PRKAA2: variants seen among roughly 807,000 people sequenced by gnomAD.
The protein encoded by PRKAA2 is protein kinase AMP-activated catalytic subunit alpha 2.
A neutral mutation model predicts 56.3 loss-of-function variants in PRKAA2; 40 were observed. The ratio of observed to expected loss-of-function variants is 0.71; its 90% CI spans 0.55 to 0.92. The LOEUF (loss-of-function observed/expected upper bound fraction) is 0.92, where lower values mean the gene tolerates loss of function less well. Among genes scored for constraint, PRKAA2 ranks in the 40% least tolerant of loss-of-function variants. PRKAA2 has a pLI of 0.00. For missense variants in PRKAA2, 542 were observed against 686.9 expected, an observed-to-expected ratio of 0.79 and a Z score of 2.36; for synonymous variants, 214 against 234.2, an observed-to-expected ratio of 0.91 and a Z score of 0.79.
chr1:56,701,773 A>C (rs1644295827), intron 6 of PRKAA2, among the ~76,000 whole-genome samples: 1 of 152,026 alleles, frequency 6.6e-6, no homozygotes, highest in Admixed American at 6.5e-5. Context: ...AGGTGCTTGT[A>C]GTCCCAGCTA....
In PRKAA2 at chr1:56,693,755, T is replaced by C. The variant is rs1230535420; in HGVS notation, c.476-10T>C. ...ATCTAGCACCAAGTAAACATTACTT[T>C]TATTTTTAGGATTATCTAATATGAT... On this transcript the variant is annotated splice_polypyrimidine_tract_variant and intron_variant, in intron 4 of 8. Transcript: ENST00000371244. 6.5e-7 allele frequency: 1 copy of C among 1,534,978 alleles called. No homozygotes were observed. The highest frequency in any genetic ancestry group is 8.9e-7 in the Non-Finnish European group (1 of 1,124,722).
chr1:56,713,007 A>G lies in PRKAA2; in HGVS notation c.*5294A>G, dbSNP rs927845030. The G allele has an allele frequency of 1.3e-5, 2 of 152,204 alleles. No homozygotes were observed. The highest frequency in any genetic ancestry group is 2.9e-5 in the Non-Finnish European group (2 of 68,036). The allele number at this position is 152,204 out of a possible 1,614,324, so 9.4% of individuals were successfully genotyped here. Reference sequence around the variant, plus strand: ...TACATGATATAACTATTTTCATAGAATATATTTCTAATTTACAAACACTGA... The same window carrying G: ...TACATGATATAACTATTTTCATAGAGTATATTTCTAATTTACAAACACTGA... On this transcript the variant is annotated 3_prime_UTR_variant, in exon 9 of 9. Coordinates refer to ENST00000371244, the MANE Select transcript of PRKAA2 (RefSeq NM_006252.4).
rs537826973 is a variant in PRKAA2, at chr1:56,706,054, T to G, written c.1294-38T>G. On this transcript the variant is annotated intron_variant, in intron 7 of 8. Coordinates refer to ENST00000371244, the MANE Select transcript of PRKAA2 (RefSeq NM_006252.4). ...CTTTTTTTGCATAAAAAGGTAGATA[T>G]TTTGTAGTTTATTATTTTTATTGAT... 11 of 1,548,882 alleles carry G rather than the reference T, an allele frequency of 7.1e-6. No homozygotes were observed. In the South Asian group the frequency reaches 1.2e-4, roughly 16 times the overall value.
chr1:56,704,721 A>T (rs943749818), intron 7 of PRKAA2, among the ~76,000 whole-genome samples: 2 of 152,182 alleles, frequency 1.3e-5, no homozygotes, highest in African/African-American at 2.4e-5. Context: ...CTGAGAAAAT[A>T]GCTTACCAGT....
rs1644099675 is a variant in PRKAA2, at chr1:56,674,512, A to G, written c.226A>G (p.Ile76Val). The change falls in exon 2 of 9, where the codon ATT becomes GTT. Residue 76 changes from isoleucine (I) to valine (V), a missense_variant. Ile to Val is a conservative substitution (Grantham distance 29). This residue lies in a region of PRKAA2 where 121 missense variants were observed against 210.0 expected (regional missense o/e 0.58). Coordinates refer to ENST00000371244, the MANE Select transcript of PRKAA2 (RefSeq NM_006252.4). ...TCTAAAACTCTTTCGTCATCCTCAT[A>G]TTATCAAACTGTAAGTATTTTTGTA... ...QNLKLFRHPH[I>V]IKLYQVISTP... 1 of 1,523,080 alleles carries G rather than the reference A, an allele frequency of 6.6e-7. No individual in the cohort carries two copies. The highest frequency in any genetic ancestry group is 2.0e-5 in the Admixed American group (1 of 49,586). The allele number at this position is 1,523,080 out of a possible 1,614,324, so 94.3% of individuals were successfully genotyped here. A position where few individuals can be genotyped will look rare whatever the true frequency, so the allele number is the denominator to read the frequency against.
intron 1 of PRKAA2, among the ~76,000 whole-genome samples, chr1:56,659,182 A>T (rs576244037): frequency 6.6e-6 from 1 of 151,864 alleles, no homozygotes; most frequent in Non-Finnish European, 1.5e-5. Flanking sequence ...GGAATCCTAG[A>T]TTAACTTAAA....
chr1:56,698,207 A>C (rs1299227087), intron 6 of PRKAA2, among the ~76,000 whole-genome samples: 1 of 151,518 alleles, frequency 6.6e-6, no homozygotes, highest in East Asian at 1.9e-4. Context: ...ATAAGCCACC[A>C]CGCCTGGCCA....
intron 1 of PRKAA2, among the ~76,000 whole-genome samples, chr1:56,660,889 C>G (rs927903870): frequency 6.6e-6 from 1 of 152,086 alleles, no homozygotes; most frequent in Middle Eastern, 3.2e-3. Flanking sequence ...CTCTTGCTTC[C>G]TTGTGAGAAC....
chr1:56,683,774 G>C (rs923344739), intron 2 of PRKAA2, among the ~76,000 whole-genome samples: 1 of 152,118 alleles, frequency 6.6e-6, no homozygotes, highest in African/African-American at 2.4e-5. Context: ...AATTCCTGCA[G>C]GTCAGAGATC....
At chr1:56,655,268 C>CATG (rs1553146925) in intron 1 of PRKAA2, among the ~76,000 whole-genome samples, 1 of 106,830 alleles carries the variant, frequency 9.4e-6, no homozygotes, top group Middle Eastern at 6.7e-3. Context: ...ATTTATATAT[C>CATG]TATATATATA....
intron 7 of PRKAA2, 77 bp downstream of exon 7, chr1:56,704,552 T>C: frequency 1.3e-6 from 2 of 1,488,994 alleles, no homozygotes; most frequent in South Asian, 1.4e-5. Flanking sequence ...GCTCCTGAGT[T>C]GAGTATTAAG....
chr1:56,681,209 A>AT (rs1406619401), intron 2 of PRKAA2, among the ~76,000 whole-genome samples: 1 of 151,754 alleles, frequency 6.6e-6, no homozygotes, highest in South Asian at 2.1e-4. Context: ...GGGTTGTTTG[A>AT]TTTTTTCTTG....
At chr1:56,660,150 T>C (rs1229770533) in intron 1 of PRKAA2, among the ~76,000 whole-genome samples, 1 of 152,182 alleles carries the variant, frequency 6.6e-6, no homozygotes. Flanking sequence ...TAATGTTATA[T>C]ATTTGTTTAT....
intron 2 of PRKAA2, among the ~76,000 whole-genome samples, chr1:56,689,728 G>GA (rs757996514): frequency 6.6e-6 from 1 of 151,736 alleles, no homozygotes; most frequent in East Asian, 1.9e-4. Context: ...TCAAACAAAA[G>GA]AAAAAAAGTA....
At chr1:56,670,347 T>C (rs143792955) in intron 1 of PRKAA2, among the ~76,000 whole-genome samples, 1 of 152,356 alleles carries the variant, frequency 6.6e-6, no homozygotes, top group East Asian at 1.9e-4. Flanking sequence ...ACTGTTGTTA[T>C]GTCTGATGGT....
chr1:56,711,270 T>C lies in PRKAA2; in HGVS notation c.*3557T>C, dbSNP rs1199219047. 2 of 152,132 alleles carry C rather than the reference T, an allele frequency of 1.3e-5. No homozygotes were observed. Among genetic ancestry groups the C allele is most frequent in the Admixed American group, 6.6e-5 (1 of 15,264 alleles). 9.4% of individuals were successfully genotyped at this position (152,132 alleles called of 1,614,324 possible). On this transcript the variant is annotated 3_prime_UTR_variant, in exon 9 of 9. Coordinates refer to ENST00000371244, the MANE Select transcript of PRKAA2 (RefSeq NM_006252.4). ...ACAGTTTGTACTCAGGGAATACAAA[T>C]TGATTTTTACTGTTAAATGAGACAT...
chr1:56,647,283 C>T (rs1480018419), intron 1 of PRKAA2, among the ~76,000 whole-genome samples: 1 of 152,204 alleles, frequency 6.6e-6, no homozygotes, highest in African/African-American at 2.4e-5. Context: ...CAACATTATA[C>T]AGTTGCTCAA....
chr1:56,703,744 C>T (rs941194488), intron 6 of PRKAA2, among the ~76,000 whole-genome samples: 1 of 152,074 alleles, frequency 6.6e-6, no homozygotes, highest in Non-Finnish European at 1.5e-5. Flanking sequence ...GATGGGCTTG[C>T]TTTTTTCATT....
intron 8 of PRKAA2, among the ~76,000 whole-genome samples, chr1:56,706,851 A>G (rs1193040351): frequency 6.6e-6 from 1 of 152,204 alleles, no homozygotes; most frequent in Non-Finnish European, 1.5e-5. Flanking sequence ...GTTTAGAGTT[A>G]GGGAAGTTGT....
Sources: gnomAD v4.1 joint callset for allele counts (sites outside exome capture counted in the v4.1 genomes callset) on GRCh38, gnomAD v4.1.1 for gene constraint, gnomAD v4.1.1 regional missense constraint, MANE v1.5 for transcripts, NCBI Gene and HGNC (gene_info 2026-07-23, HGNC 2026-07-21) for gene names.